Variants in TGFBR2 observed in about 807,000 individuals in gnomAD.
TGFBR2 encodes the protein transforming growth factor beta receptor 2.
TGFBR2 carries 18 observed loss-of-function variants against 49.0 expected under a neutral mutation model. The ratio of observed to expected loss-of-function variants is 0.37; its 90% CI spans 0.25 to 0.54. TGFBR2 has a LOEUF of 0.54. Ranked by LOEUF, TGFBR2 falls within the 20% of genes least tolerant of loss-of-function variation. The probability of loss-of-function intolerance (pLI) is 0.85; values close to 1 mark genes in which losing one functional copy is unlikely to be tolerated. For synonymous variants in TGFBR2, 282 were observed against 275.9 expected (o/e 1.02, Z -0.22); for missense variants, 525 against 722.6 (o/e 0.73, Z 3.13).
intron 1 of TGFBR2, among the ~76,000 whole-genome samples, chr3:30,610,786 A>T (rs1341500370): frequency 1.3e-5 from 2 of 152,218 alleles, no homozygotes; most frequent in East Asian, 3.9e-4. Flanking sequence ...TATTACTATT[A>T]ACTCCTTAAT....
intron 1 of TGFBR2, among the ~76,000 whole-genome samples, chr3:30,635,329 G>T (rs550619006): frequency 1.2e-4 from 19 of 152,230 alleles, no homozygotes; most frequent in Admixed American, 4.6e-4. Context: ...GAGGTCCCCT[G>T]CCACTAAAAA....
At chr3:30,678,511 G>A (rs1699479479) in intron 5 of TGFBR2, among the ~76,000 whole-genome samples, 2 of 130,658 alleles carry the variant, frequency 1.5e-5, no homozygotes, top group South Asian at 4.7e-4. Context: ...TCATGCCACT[G>A]TTCTCCAGCC....
At chr3:30,687,464 A>G (rs1005265596) in intron 5 of TGFBR2, among the ~76,000 whole-genome samples, 2 of 152,052 alleles carry the variant, frequency 1.3e-5, no homozygotes, top group Non-Finnish European at 2.9e-5. Context: ...CGGAGTCAAG[A>G]TATCCTCCTT....
chr3:30,677,882 T>C (rs760357203), intron 5 of TGFBR2, among the ~76,000 whole-genome samples: 5 of 152,244 alleles, frequency 3.3e-5, no homozygotes, highest in African/African-American at 9.6e-5. Context: ...ATGTTTCTTA[T>C]CTTACAAATT....
chr3:30,631,009 G>A (rs114822555), intron 1 of TGFBR2, among the ~76,000 whole-genome samples: 1,967 of 150,636 alleles, frequency 0.013, 49 homozygotes, highest in African/African-American at 0.045. Context: ...ACCTTAGTGG[G>A]ATTGCTAGGA....
chr3:30,652,645 C>T (rs1376099482), intron 3 of TGFBR2, among the ~76,000 whole-genome samples: 2 of 152,176 alleles, frequency 1.3e-5, no homozygotes, highest in East Asian at 3.9e-4. Flanking sequence ...TCAAGTAGAT[C>T]ACCTTTTAAA....
At chr3:30,689,846 C>T (rs527294553) in intron 6 of TGFBR2, among the ~76,000 whole-genome samples, 2 of 152,250 alleles carry the variant, frequency 1.3e-5, no homozygotes, top group South Asian at 4.1e-4. Context: ...CATTTTTTCT[C>T]ATAATGAGAT....
rs750421240 is a variant in TGFBR2 at position 30,650,462 on chromosome 3, T to C, written c.454+2T>C. ...ATGACAACATCATCTTCTCAGAAGG[T>C]GAGTTTTCTTCTCTTAAGGGTGTGG... On this transcript the variant is annotated splice_donor_variant, in intron 3 of 6. Transcript: ENST00000295754. LOFTEE classifies it high-confidence loss of function. 1 of 1,613,904 alleles carries C rather than the reference T, an allele frequency of 6.2e-7. No individual in the cohort carries two copies. Among genetic ancestry groups the C allele is most frequent in the Non-Finnish European group, 8.5e-7 (1 of 1,179,880 alleles).
rs185969619 is a variant in TGFBR2 at position 30,667,429 on chromosome 3, T to C, written c.455-4209T>C. ...TCCCAAAGCTTCCTTCCAGCCCTGG[T>C]TGCTATTGTTAGAGTTTTTCACCAC... On this transcript the variant is annotated intron_variant, in intron 3 of 6. Transcript: ENST00000295754. Among the ~76,000 whole-genome samples, 1,051 of 152,324 alleles carry C rather than the reference T, an allele frequency of 6.9e-3. 3 individuals are homozygous for C. Among genetic ancestry groups the C allele is most frequent in the Middle Eastern group, 0.034 (10 of 294 alleles).
chr3:30,627,334 G>A (rs1010472097), intron 1 of TGFBR2, among the ~76,000 whole-genome samples: 3 of 152,032 alleles, frequency 2.0e-5, no homozygotes, highest in Non-Finnish European at 4.4e-5. Context: ...ATGCACCATC[G>A]TTTGGAATTC....
chr3:30,631,630 T>G (rs1422381939), intron 1 of TGFBR2, among the ~76,000 whole-genome samples: 2 of 141,180 alleles, frequency 1.4e-5, no homozygotes, highest in African/African-American at 6.2e-5. Context: ...TCTTTTTTTT[T>G]TTTTTTTTTT....
intron 1 of TGFBR2, among the ~76,000 whole-genome samples, chr3:30,622,314 T>G (rs557432676): frequency 2.0e-5 from 3 of 152,228 alleles, no homozygotes; most frequent in South Asian, 2.1e-4. Context: ...TTTAAGAAAA[T>G]GAAATGATCA....
intron 6 of TGFBR2, among the ~76,000 whole-genome samples, chr3:30,688,751 A>C: frequency 6.6e-6 from 1 of 152,176 alleles, no homozygotes; most frequent in East Asian, 1.9e-4. Flanking sequence ...CATTTGCCAC[A>C]TTTTCCAAGC....
intron 1 of TGFBR2, among the ~76,000 whole-genome samples, chr3:30,629,041 C>G (rs1199442189): frequency 1.3e-5 from 2 of 152,198 alleles, no homozygotes; most frequent in African/African-American, 4.8e-5. Flanking sequence ...TGCCCTGCTT[C>G]TCCTTCCATT....
chr3:30,606,714 C>T lies in TGFBR2; in HGVS notation c.-170C>T. 1 of 433,266 alleles carries T rather than the reference C, an allele frequency of 2.3e-6. No individual in the cohort carries two copies. The highest frequency in any genetic ancestry group is 3.9e-6 in the Non-Finnish European group (1 of 258,698). 26.8% of individuals were successfully genotyped at this position (433,266 alleles called of 1,614,324 possible). Reference sequence around the variant, plus strand: ...GGGCCTCCCCGCGCCTCGCCGGCCTCCAGGCCCCCTCCTGGCTGGCGAGCG... The same window carrying T: ...GGGCCTCCCCGCGCCTCGCCGGCCTTCAGGCCCCCTCCTGGCTGGCGAGCG... On this transcript the variant is annotated 5_prime_UTR_variant, in exon 1 of 7. Coordinates refer to ENST00000295754, the MANE Select transcript of TGFBR2 (RefSeq NM_003242.6).
chr3:30,691,437 T>C lies in TGFBR2; in HGVS notation c.1542T>C (p.Cys514=), dbSNP rs1575166645. Residue 514 remains cysteine (C), a synonymous_variant, in exon 7 of 7, where the codon TGT becomes TGC. Coordinates refer to ENST00000295754, the MANE Select transcript of TGFBR2 (RefSeq NM_003242.6). ...WLNHQGIQMV[C]ETLTECWDHD... ...CGCTACAGGGCATCCAGATGGTGTG[T>C]GAGACGTTGACTGAGTGCTGGGACC... 7.4e-6 allele frequency: 12 copies of C among 1,613,974 alleles called. No homozygotes were observed. Among genetic ancestry groups the C allele is most frequent in the Non-Finnish European group, 1.0e-5 (12 of 1,179,902 alleles).
At chr3:30,650,782 A>G (rs967708525) in intron 3 of TGFBR2, among the ~76,000 whole-genome samples, 3 of 152,330 alleles carry the variant, frequency 2.0e-5, no homozygotes, top group Admixed American at 2.0e-4. Flanking sequence ...GCAGATTCTC[A>G]GGCCCCACTA....
intron 2 of TGFBR2, among the ~76,000 whole-genome samples, chr3:30,647,894 G>A: frequency 6.6e-6 from 1 of 152,140 alleles, no homozygotes; most frequent in Non-Finnish European, 1.5e-5. Context: ...GGCCAGGCTG[G>A]TCTCGAACTC....
chr3:30,638,721 C>T (rs1185346132), intron 1 of TGFBR2, among the ~76,000 whole-genome samples: 1 of 152,080 alleles, frequency 6.6e-6, no homozygotes, highest in Non-Finnish European at 1.5e-5. Context: ...AGTAATTGGC[C>T]AAGGTATCTG....
Sources: gnomAD v4.1 joint callset for allele counts (sites outside exome capture counted in the v4.1 genomes callset) on GRCh38, gnomAD v4.1.1 for gene constraint, MANE v1.5 for transcripts, NCBI Gene and HGNC (gene_info 2026-07-23, HGNC 2026-07-21) for gene names.